Variants in GMEB2 observed in about 807,000 individuals in gnomAD.
GMEB2 encodes glucocorticoid modulatory element-binding protein 2.
GMEB2 carries 7 observed loss-of-function variants against 45.7 expected under a neutral mutation model. The ratio of observed to expected loss-of-function variants is 0.15; its 90% CI spans 0.09 to 0.29. GMEB2 has a LOEUF of 0.29. Among genes scored for constraint, GMEB2 ranks in the 10% least tolerant of loss-of-function variants. The pLI is 1.00. For missense variants in GMEB2, 582 were observed against 739.2 expected, an observed-to-expected ratio of 0.79 and a Z score of 2.47; for synonymous variants, 322 against 323.6, an observed-to-expected ratio of 1.00 and a Z score of 0.05.
intron 1 of GMEB2, among the ~76,000 whole-genome samples, chr20:63,623,332 A>T (rs548495901): frequency 1.3e-5 from 2 of 152,192 alleles, no homozygotes; most frequent in Non-Finnish European, 2.9e-5. Flanking sequence ...TTAGGGCATC[A>T]GGGTCTCTGA....
At position 63,593,473 on chromosome 20, in the gene GMEB2, G is replaced by A. The variant is rs1412384900; in HGVS notation, c.620-391C>T. Among the ~76,000 whole-genome samples, 2 of 151,868 alleles carry A rather than the reference G, an allele frequency of 1.3e-5. No homozygotes were observed. Among genetic ancestry groups the A allele is most frequent in the East Asian group, 3.9e-4 (2 of 5,152 alleles). On this transcript the variant is annotated intron_variant, in intron 6 of 9. Transcript: ENST00000370077. The surrounding 1 kb of genome is among the most constrained non-coding windows in gnomAD (Gnocchi z 4.7). ...TTTTCCCACCGAGAGCTCTGCGGCT[G>A]CGTCTGTCGCCCGTGGGGCTCGCCC...
In GMEB2 at chr20:63,589,603, G is replaced by C. The variant is rs942316500; in HGVS notation, c.*486C>G. On this transcript the variant is annotated 3_prime_UTR_variant, in exon 10 of 10. Transcript: ENST00000370077. Reference sequence around the variant, plus strand: ...GAAGAAACCAAATCCATAGGATCCAGAGGTTTCACACTTGGGCTTAGCTCC... The same window carrying C: ...GAAGAAACCAAATCCATAGGATCCACAGGTTTCACACTTGGGCTTAGCTCC... The C allele has an allele frequency of 5.6e-6, 1 of 177,344 alleles. No individual in the cohort carries two copies. The highest frequency in any genetic ancestry group is 1.2e-5 in the Non-Finnish European group (1 of 85,548). 11.0% of individuals were successfully genotyped at this position (177,344 alleles called of 1,614,324 possible).
rs950506781 is a variant in GMEB2, at chr20:63,589,761, C to T, written c.*328G>A. Reference sequence around the variant, plus strand: ...GGCTCTGCTTCCTCTGTCTCTGCTGCACCCAGGCTCCCCCTAGCCCCCGCC... The same window carrying T: ...GGCTCTGCTTCCTCTGTCTCTGCTGTACCCAGGCTCCCCCTAGCCCCCGCC... On this transcript the variant is annotated 3_prime_UTR_variant, in exon 10 of 10. Coordinates refer to ENST00000370077, the MANE Select transcript of GMEB2 (RefSeq NM_012384.5). 49 of 246,334 alleles carry T rather than the reference C, an allele frequency of 2.0e-4. 1 individual carries two copies. In the East Asian group the frequency reaches 3.5e-3, roughly 18 times the overall value. 15.3% of individuals were successfully genotyped at this position (246,334 alleles called of 1,614,324 possible). A position where few individuals can be genotyped will look rare whatever the true frequency, so the allele number is the denominator to read the frequency against.
At chr20:63,611,802 G>C (rs1007480627) in intron 2 of GMEB2, among the ~76,000 whole-genome samples, 4 of 152,002 alleles carry the variant, frequency 2.6e-5, no homozygotes, top group African/African-American at 9.7e-5. Context: ...AGGACTGCTT[G>C]AGTCCAGGAG....
intron 5 of GMEB2, among the ~76,000 whole-genome samples, chr20:63,597,278 A>C (rs2083207309): frequency 6.7e-6 from 1 of 148,848 alleles, no homozygotes; most frequent in Non-Finnish European, 1.5e-5. Flanking sequence ...CTTCCACCTT[A>C]GCCTCTCGAG....
At chr20:63,616,680 C>A (rs1281087671) in intron 2 of GMEB2, among the ~76,000 whole-genome samples, 1 of 152,208 alleles carries the variant, frequency 6.6e-6, no homozygotes. Context: ...TCAACTACCT[C>A]TGCCAGCAGG....
At position 63,603,004 on chromosome 20, in the gene GMEB2, C is replaced by T. The variant is rs1358671468; in HGVS notation, c.318G>A (p.Arg106=). 6.2e-7 allele frequency: 1 copy of T among 1,614,104 alleles called. No individual in the cohort carries two copies. The highest frequency in any genetic ancestry group is 1.3e-5 in the African/African-American group (1 of 75,044). Residue 106 remains arginine (R), a synonymous_variant, in exon 4 of 10, where the codon AGG becomes AGA. Transcript: ENST00000370077. ...CATTGATGCCGGGACACACAAACTT[C>T]CTCCAGATGAGGTTGGCTCTGCTGT... ...CGDSRANLIW[R]KFVCPGINVK...
At chr20:63,616,608 C>T (rs6122491) in intron 2 of GMEB2, among the ~76,000 whole-genome samples, 74,052 of 152,148 alleles carry the variant, frequency 0.49, 19,464 homozygotes, top group Middle Eastern at 0.66. Flanking sequence ...GGAGGCTGGC[C>T]GTGGGGAGAT....
At chr20:63,624,867 C>T (rs1338998219) in intron 1 of GMEB2, among the ~76,000 whole-genome samples, 1 of 151,446 alleles carries the variant, frequency 6.6e-6, no homozygotes, top group Non-Finnish European at 1.5e-5. Context: ...ACCACCACGC[C>T]CGGCTAATTT....
rs559241238 is a variant in GMEB2, at chr20:63,592,056, G to A, written c.918C>T (p.Asp306=). 3.2e-5 allele frequency: 51 copies of A among 1,613,188 alleles called. No individual in the cohort carries two copies. In the South Asian group the frequency reaches 4.7e-4, roughly 15 times the overall value. The change falls in exon 9 of 10, where the codon GAC becomes GAT. Residue 306 remains aspartate (D), a synonymous_variant. Transcript: ENST00000370077. This position sits in a 1 kb window ranked among gnomAD's most constrained non-coding sequence, Gnocchi z 8.2. ...CCCGGGCGTACTGCTCCCGCGAGCG[G>A]TCCATCTGGCACTTGTGGCTGGCCA... ...KVLASHKCQM[D]RSREQYARDL...
intron 2 of GMEB2, 101 bp from the exon 3 acceptor site, chr20:63,604,941 T>C: frequency 1.3e-6 from 1 of 745,326 alleles, no homozygotes. Context: ...TGTTACACTC[T>C]TCTAACTGAA....
Position 63,589,803 on chromosome 20 carries a change from A to G in GMEB2, c.*286T>C. The G allele has an allele frequency of 3.3e-6, 1 of 303,982 alleles. No homozygotes were observed. Among genetic ancestry groups the G allele is most frequent in the South Asian group, 1.4e-4 (1 of 7,108 alleles). 18.8% of individuals were successfully genotyped at this position (303,982 alleles called of 1,614,324 possible). On this transcript the variant is annotated 3_prime_UTR_variant, in exon 10 of 10. Transcript: ENST00000370077. ...GCCCCCGCCCACCTGGCTCCTGATC[A>G]AGGCCCAATGTGTAAACAGTATTAA...
chr20:63,594,911 G>A (rs1027075824), intron 6 of GMEB2, among the ~76,000 whole-genome samples: 5 of 152,136 alleles, frequency 3.3e-5, no homozygotes, highest in African/African-American at 1.2e-4. Context: ...ACCACACCCG[G>A]CTAACTTCTG....
chr20:63,602,469 A>C (rs1321845557), intron 4 of GMEB2, among the ~76,000 whole-genome samples: 3 of 152,066 alleles, frequency 2.0e-5, no homozygotes, highest in Non-Finnish European at 2.9e-5. Flanking sequence ...TGGGCTTGGC[A>C]CCCCATCTGC....
At chr20:63,601,651 G>A (rs1380124620) in intron 4 of GMEB2, among the ~76,000 whole-genome samples, 1 of 152,018 alleles carries the variant, frequency 6.6e-6, no homozygotes, top group Non-Finnish European at 1.5e-5. Flanking sequence ...CAGGATTGCA[G>A]GTGTTAAGCC....
Position 63,597,824 on chromosome 20 carries a change from G to A in GMEB2, c.394C>T (p.His132Tyr). The A allele has an allele frequency of 6.2e-7, 1 of 1,610,200 alleles. No individual in the cohort carries two copies. Among genetic ancestry groups the A allele is most frequent in the East Asian group, 2.2e-5 (1 of 44,860 alleles). ...TTCAGGGTGGACTTCCCGGCCAGGTGCACAAATTCCTTTGGGCTGATTACA... is the reference window on the plus strand; with the variant it reads ...TTCAGGGTGGACTTCCCGGCCAGGTACACAAATTCCTTTGGGCTGATTACA... ...EHVISPKEFV[H>Y]LAGKSTLKDW... Residue 132 changes from histidine to tyrosine, a missense_variant, in exon 5 of 10, where the codon CAC becomes TAC. Physicochemically the swap from His to Tyr is moderately conservative, Grantham distance 83. Transcript: ENST00000370077.
Position 63,591,892 on chromosome 20 carries a change from G to A in GMEB2, c.952+130C>T, listed in dbSNP as rs1019299708. 50 of 733,236 alleles carry A rather than the reference G, an allele frequency of 6.8e-5. No homozygotes were observed. In the African/African-American group the frequency reaches 8.7e-4, roughly 13 times the overall value. The allele number at this position is 733,236 out of a possible 1,614,324, so 45.4% of individuals were successfully genotyped here. On this transcript the variant is annotated intron_variant, in intron 9 of 9. Coordinates refer to ENST00000370077, the MANE Select transcript of GMEB2 (RefSeq NM_012384.5). ...GTTGTTTTCCTCGCACAACAGCAGT[G>A]CGGAGAAGCTCGCCGTGGTGGCGGT...
intron 9 of GMEB2, among the ~76,000 whole-genome samples, chr20:63,591,439 C>A (rs1031781823): frequency 4.0e-5 from 6 of 151,762 alleles, no homozygotes; most frequent in African/African-American, 9.7e-5. Flanking sequence ...GAGCTCTGAG[C>A]GGGGTCAGGA....
Position 63,604,795 on chromosome 20 carries a change from T to C in GMEB2, c.177A>G (p.Ala59=), listed in dbSNP as rs6090471. The C allele has an allele frequency of 0.87, 1,397,640 of 1,611,640 alleles. 616,382 individuals are homozygous for C. Among genetic ancestry groups the C allele is most frequent in the Non-Finnish European group, 0.92 (1,083,379 of 1,178,044 alleles). Residue 59 remains alanine (A), a synonymous_variant, in exon 3 of 10, where the codon GCA becomes GCG. Transcript: ENST00000370077. Reference sequence around the variant, plus strand: ...AGGCTGTGAAGGCCGCGGCAGCTGCTGCCGCTGCATTTTCTGTCTCCATGT... The same window carrying C: ...AGGCTGTGAAGGCCGCGGCAGCTGCCGCCGCTGCATTTTCTGTCTCCATGT... ...EDNMETENAA[A]AAAAAFTASS... is the part of the protein sequence containing the mutation.
Sources: allele counts gnomAD v4.1 joint callset (sites outside exome capture counted in the v4.1 genomes callset), GRCh38; gene constraint gnomAD v4.1.1; non-coding constraint Gnocchi (gnomAD v3.1); transcripts MANE v1.5; gene names NCBI Gene and HGNC (gene_info 2026-07-23, HGNC 2026-07-21).